SLC25A24: variants seen among roughly 807,000 people sequenced by gnomAD.
The protein encoded by SLC25A24 is solute carrier family 25 member 24.
A neutral mutation model predicts 60.7 loss-of-function variants in SLC25A24; 49 were observed. The ratio of observed to expected loss-of-function variants is 0.81; its 90% CI spans 0.64 to 1.02. SLC25A24 has a LOEUF of 1.02. SLC25A24 is among the 50% of genes least tolerant of loss of function. The pLI, the probability that SLC25A24 is intolerant of heterozygous loss-of-function variation, is 0.00. For missense variants in SLC25A24, 564 were observed against 586.3 expected (o/e 0.96, Z 0.39); for synonymous variants, 202 against 200.6 (o/e 1.01, Z -0.06).
intron 4 of SLC25A24, among the ~76,000 whole-genome samples, chr1:108,160,833 G>A (rs995979977): frequency 5.9e-5 from 9 of 152,240 alleles, no homozygotes; most frequent in Admixed American, 1.3e-4. Context: ...GCCTGCAATC[G>A]CAGGCACTCG....
chr1:108,187,723 C>A (rs1043108783), intron 1 of SLC25A24, among the ~76,000 whole-genome samples: 9 of 151,452 alleles, frequency 5.9e-5, no homozygotes, highest in African/African-American at 2.2e-4. Context: ...AAAAAAACAC[C>A]AATTTTCCAG....
At chr1:108,170,357 G>A (rs886979665) in intron 3 of SLC25A24, among the ~76,000 whole-genome samples, 17 of 152,102 alleles carry the variant, frequency 1.1e-4, no homozygotes, top group Non-Finnish European at 5.9e-5. Context: ...TTTGAAATGT[G>A]TTGAACCTGG....
chr1:108,136,756 T>C lies in SLC25A24; in HGVS notation c.1331A>G (p.Tyr444Cys). ...CATGAAGTTTGGGGTGATGCCTCTG[T>C]AAAGTCCTGGTATTCCTTCTTTGGA... ...IISKEGIPGL[Y>C]RGITPNFMKV... Residue 444 changes from tyrosine to cysteine, a missense_variant, in exon 10 of 10, where the codon TAC (tyrosine) becomes TGC (cysteine). By Grantham distance (194) the Tyr-to-Cys change is radical. Transcript: ENST00000565488. 1 of 1,614,094 alleles carries C rather than the reference T, an allele frequency of 6.2e-7. No individual in the cohort carries two copies. The highest frequency in any genetic ancestry group is 8.5e-7 in the Non-Finnish European group (1 of 1,179,956).
intron 5 of SLC25A24, among the ~76,000 whole-genome samples, chr1:108,155,494 T>C (rs1202839729): frequency 6.6e-6 from 1 of 151,608 alleles, no homozygotes; most frequent in Non-Finnish European, 1.5e-5. Flanking sequence ...TAAAGGGAAA[T>C]AAAAAAGTAT....
In SLC25A24 at chr1:108,143,810, T is replaced by C. The variant is rs1679512820; in HGVS notation, c.931-100A>G. ...ACATGGAACAAATACCTAGCACATA[T>C]TGTCACTCAAAAGACTGTACAATTT... On this transcript the variant is annotated intron_variant, in intron 7 of 9. Transcript: ENST00000565488. 6.9e-6 allele frequency: 6 copies of C among 874,840 alleles called. No homozygotes were observed. In the Admixed American group the frequency reaches 7.4e-5, roughly 11 times the overall value. 54.2% of individuals were successfully genotyped at this position (874,840 alleles called of 1,614,324 possible).
chr1:108,171,335 CA>C (rs1358537659), intron 3 of SLC25A24, among the ~76,000 whole-genome samples: 4 of 152,146 alleles, frequency 2.6e-5, no homozygotes, highest in Non-Finnish European at 4.4e-5. Flanking sequence ...TCCTAACTTA[CA>C]TACTATTATT....
At chr1:108,198,881 A>G (rs957001602) in intron 1 of SLC25A24, 1 of 152,248 alleles carries the variant, frequency 6.6e-6, no homozygotes, top group African/African-American at 2.4e-5. Flanking sequence ...GGGAACTCCA[A>G]CTGGGCCATT....
At chr1:108,196,002 GAA>G (rs374038234) in intron 1 of SLC25A24, among the ~76,000 whole-genome samples, 33,475 of 106,108 alleles carry the variant, frequency 0.32, 4,017 homozygotes, top group Middle Eastern at 0.41. Context: ...TCTGTCTCCA[GAA>G]AAAAAAAAAA....
chr1:108,187,100 A>C lies in SLC25A24; in HGVS notation c.184-1146T>G, dbSNP rs114455589. On this transcript the variant is annotated intron_variant, in intron 1 of 9. Transcript: ENST00000565488. ...CTCAAAAAAAAAAAAAAATTAAAAA[A>C]ATAATGCCACATTGTGACTGGATGG... Among the ~76,000 whole-genome samples the C allele has an allele frequency of 6.6e-3, 997 of 152,140 alleles. 8 individuals are homozygous for C. The highest frequency in any genetic ancestry group is 0.023 in the African/African-American group (953 of 41,504).
Position 108,136,558 on chromosome 1 carries a change from T to G in SLC25A24, c.*95A>C. ...TCCCTTTTGTGAAAAAAATGCAGCT[T>G]CTTTTGCCATAGACTTGTTTCAATT... On this transcript the variant is annotated 3_prime_UTR_variant, in exon 10 of 10. Coordinates refer to ENST00000565488, the MANE Select transcript of SLC25A24 (RefSeq NM_013386.5). 9.1e-7 allele frequency: 1 copy of G among 1,094,458 alleles called. No individual in the cohort carries two copies. Among genetic ancestry groups the G allele is most frequent in the South Asian group, 1.5e-5 (1 of 64,574 alleles). The allele number at this position is 1,094,458 out of a possible 1,614,324, so 67.8% of individuals were successfully genotyped here.
chr1:108,179,943 A>G (rs1338471126), intron 3 of SLC25A24, among the ~76,000 whole-genome samples: 5 of 152,322 alleles, frequency 3.3e-5, no homozygotes, highest in Middle Eastern at 6.8e-3. Context: ...ATGTACATAT[A>G]CTTCAAAACA....
At chr1:108,146,210 CTGTT>C (rs1199829159) in intron 7 of SLC25A24, among the ~76,000 whole-genome samples, 2 of 152,090 alleles carry the variant, frequency 1.3e-5, no homozygotes, top group Admixed American at 6.5e-5. Flanking sequence ...ATTTGGCTCT[CTGTT>C]TGTGTATTAT....
At chr1:108,155,832 T>C (rs1558012554) in intron 5 of SLC25A24, among the ~76,000 whole-genome samples, 1 of 152,172 alleles carries the variant, frequency 6.6e-6, no homozygotes, top group Non-Finnish European at 1.5e-5. Flanking sequence ...TTAAAAATAC[T>C]GTACCTTATG....
chr1:108,150,230 A>G (rs1679719943), intron 6 of SLC25A24, among the ~76,000 whole-genome samples: 1 of 152,208 alleles, frequency 6.6e-6, no homozygotes, highest in Non-Finnish European at 1.5e-5. Flanking sequence ...TATTTAAAGG[A>G]TAAGTGCTTG....
At chr1:108,177,992 G>A (rs149486864) in intron 3 of SLC25A24, among the ~76,000 whole-genome samples, 5,516 of 152,040 alleles carry the variant, frequency 0.036, 135 homozygotes, top group Middle Eastern at 0.11. Flanking sequence ...GTGAAACCCC[G>A]TCTTTACTAA....
intron 3 of SLC25A24, among the ~76,000 whole-genome samples, chr1:108,168,107 G>C (rs527608920): frequency 6.6e-6 from 1 of 152,140 alleles, no homozygotes; most frequent in African/African-American, 2.4e-5. Context: ...TCTATAATTA[G>C]TATGAAAATG....
At chr1:108,160,860 G>A (rs1019453020) in intron 4 of SLC25A24, among the ~76,000 whole-genome samples, 31 of 152,206 alleles carry the variant, frequency 2.0e-4, no homozygotes, top group Admixed American at 5.9e-4. Context: ...TGAGGCAGGA[G>A]AATCAGGCAG....
chr1:108,186,725 T>A (rs749790653), intron 1 of SLC25A24, among the ~76,000 whole-genome samples: 7 of 152,156 alleles, frequency 4.6e-5, no homozygotes, highest in Non-Finnish European at 7.4e-5. Context: ...ACACTCATAG[T>A]CACCCACTCA....
rs879578204 is a variant in SLC25A24, at chr1:108,148,340, T to C, written c.869A>G (p.Glu290Gly). Reference protein sequence around the residue: ...TEEGQKIGTFERFISGSMAGA... With the variant: ...TEEGQKIGTFGRFISGSMAGA... ...AGCCATGGAACCAGAAATAAATCTC[T>C]CAAATGTTCCTATTTTTTGTCCTTC... The change falls in exon 7 of 10, where the codon GAG (glutamate) becomes GGG (glycine). Residue 290 changes from glutamate (E) to glycine (G), a missense_variant. Glu to Gly is a moderately conservative substitution (Grantham distance 98, BLOSUM62 -2). Coordinates refer to ENST00000565488, the MANE Select transcript of SLC25A24 (RefSeq NM_013386.5). 1 of 1,612,844 alleles carries C rather than the reference T, an allele frequency of 6.2e-7. No homozygotes were observed. The highest frequency in any genetic ancestry group is 8.5e-7 in the Non-Finnish European group (1 of 1,178,874).
Sources: gnomAD v4.1 joint callset for allele counts (sites outside exome capture counted in the v4.1 genomes callset) on GRCh38, gnomAD v4.1.1 for gene constraint, MANE v1.5 for transcripts, NCBI Gene and HGNC (gene_info 2026-07-23, HGNC 2026-07-21) for gene names.